ANKRD44: variants seen among roughly 807,000 people sequenced by gnomAD.
ANKRD44 encodes serine/threonine-protein phosphatase 6 regulatory ankyrin repeat subunit B.
In ANKRD44, 35 loss-of-function variants were observed where a neutral mutation model predicts 116.0. The observed-to-expected ratio is 0.30, with a 90% confidence interval of 0.23 to 0.40. The LOEUF (loss-of-function observed/expected upper bound fraction) is 0.40, where lower values mean the gene tolerates loss of function less well. Ranked by LOEUF, ANKRD44 falls within the 10% of genes least tolerant of loss-of-function variation. The probability of loss-of-function intolerance (pLI) is 1.00; values close to 1 mark genes in which losing one functional copy is unlikely to be tolerated. For synonymous variants in ANKRD44, 435 were observed against 461.8 expected (o/e 0.94, Z 0.74); for missense variants, 1,014 against 1,242.6 (o/e 0.82, Z 2.77).
intron 1 of ANKRD44, among the ~76,000 whole-genome samples, chr2:197,221,216 A>G (rs1180990148): frequency 6.7e-6 from 1 of 150,358 alleles, no homozygotes; most frequent in Admixed American, 6.7e-5. Flanking sequence ...ATGGCACTGC[A>G]CTCCAGCCTG....
chr2:197,002,346 G>A (rs1293042053), intron 21 of ANKRD44, among the ~76,000 whole-genome samples: 1 of 152,146 alleles, frequency 6.6e-6, no homozygotes, highest in Non-Finnish European at 1.5e-5. Context: ...ACAGTTCTTG[G>A]CACATCATGG....
chr2:197,268,179 G>A (rs533477132), intron 1 of ANKRD44, among the ~76,000 whole-genome samples: 3 of 152,356 alleles, frequency 2.0e-5, no homozygotes, highest in Non-Finnish European at 2.9e-5. Flanking sequence ...CCCAGAAGCT[G>A]TGGAGCTGAT....
chr2:197,163,685 C>A (rs116831663), intron 2 of ANKRD44, among the ~76,000 whole-genome samples: 3,615 of 152,208 alleles, frequency 0.024, 58 homozygotes, highest in Non-Finnish European at 0.04. Context: ...TAACACCAGG[C>A]TGGAGTGCAG....
intron 1 of ANKRD44, among the ~76,000 whole-genome samples, chr2:197,256,001 G>A (rs953116922): frequency 6.6e-6 from 1 of 152,222 alleles, no homozygotes; most frequent in African/African-American, 2.4e-5. Flanking sequence ...ATTGTTTGGA[G>A]GGGATTCTTA....
chr2:197,250,303 T>C (rs988015470), intron 1 of ANKRD44, among the ~76,000 whole-genome samples: 2 of 152,276 alleles, frequency 1.3e-5, no homozygotes, highest in Middle Eastern at 3.4e-3. Context: ...GGAGAGGTAA[T>C]GGGTACATAT....
At chr2:197,120,218 C>G (rs1430882113) in intron 8 of ANKRD44, among the ~76,000 whole-genome samples, 1 of 152,186 alleles carries the variant, frequency 6.6e-6, no homozygotes, top group Non-Finnish European at 1.5e-5. Context: ...AAGGCAGAGA[C>G]TGAATCTCAT....
rs530316976 is a variant in ANKRD44, at chr2:197,257,270, C to A, written c.27+53308G>T. On this transcript the variant is annotated intron_variant, in intron 1 of 27. Transcript: ENST00000282272. ...GGACAAATGTGAGTACCATGTAGAC[C>A]CACCTGGGAAAGCTAAATATTTACC... Among the ~76,000 whole-genome samples, 4 of 152,132 alleles carry A rather than the reference C, an allele frequency of 2.6e-5. No individual in the cohort carries two copies. The South Asian group carries it at 8.3e-4, about 32-fold the overall frequency.
chr2:197,307,262 AATTAC>A (rs2084099223), intron 1 of ANKRD44, among the ~76,000 whole-genome samples: 1 of 152,324 alleles, frequency 6.6e-6, no homozygotes, highest in Admixed American at 6.5e-5. Flanking sequence ...ACAAGGAACT[AATTAC>A]ATTATTATAT....
intron 27 of ANKRD44, among the ~76,000 whole-genome samples, chr2:196,992,262 C>G (rs1415835021): frequency 6.6e-6 from 1 of 152,162 alleles, no homozygotes; most frequent in Admixed American, 6.5e-5. Flanking sequence ...GACCTGCTCT[C>G]CCCACCCTGC....
intron 1 of ANKRD44, among the ~76,000 whole-genome samples, chr2:197,211,998 T>C (rs1242526300): frequency 1.3e-5 from 2 of 151,802 alleles, no homozygotes; most frequent in Non-Finnish European, 1.5e-5. Context: ...AGTAAGCTCA[T>C]GCACGGGAAT....
intron 1 of ANKRD44, among the ~76,000 whole-genome samples, chr2:197,211,523 A>G (rs1269939287): frequency 6.6e-6 from 1 of 152,158 alleles, no homozygotes. Flanking sequence ...TAACATTCAC[A>G]TGAATTTTAC....
At chr2:196,992,655 T>C (rs534492863) in intron 27 of ANKRD44, 1 of 152,780 alleles carries the variant, frequency 6.5e-6, no homozygotes, top group South Asian at 2.1e-4. Context: ...ATAGGGAACT[T>C]TCTGCACTTC....
At chr2:197,246,349 G>A (rs1480697860) in intron 1 of ANKRD44, among the ~76,000 whole-genome samples, 1 of 8,942 alleles carries the variant, frequency 1.1e-4, no homozygotes, top group Non-Finnish European at 2.0e-4. Context: ...ACTACATCTG[G>A]CTTTTTTTTT....
At chr2:197,199,027 T>C (rs1574258202) in intron 1 of ANKRD44, 1 of 152,288 alleles carries the variant, frequency 6.6e-6, no homozygotes, top group East Asian at 1.9e-4. Context: ...TTCTCTCTTG[T>C]GGCTTGCCGA....
At position 197,257,477 on chromosome 2, in the gene ANKRD44, A is replaced by G. The variant is rs568385655; in HGVS notation, c.27+53101T>C. Among the ~76,000 whole-genome samples, 31 of 152,246 alleles carry G rather than the reference A, an allele frequency of 2.0e-4. No homozygotes were observed. The South Asian group carries it at 6.0e-3, about 29-fold the overall frequency. On this transcript the variant is annotated intron_variant, in intron 1 of 27. Transcript: ENST00000282272. ...GAAAAAAACAATCATGACTTTCTTC[A>G]GTTCCTTTTTCTTTTATTTAGTATC... is the stretch of plus-strand genomic sequence containing the variant.
Position 197,281,671 on chromosome 2 carries a change from C to A in ANKRD44, c.27+28907G>T, listed in dbSNP as rs1045904164. 1.7e-4 allele frequency among the ~76,000 whole-genome samples: 26 copies of A among 152,114 alleles called. 1 individual carries two copies. The highest frequency in any genetic ancestry group is 6.3e-4 in the African/African-American group (26 of 41,422). On this transcript the variant is annotated intron_variant, in intron 1 of 27. Coordinates refer to ENST00000282272, the MANE Select transcript of ANKRD44 (RefSeq NM_001195144.2). ...TGCTAACTTGCCAACTGTATTTTGG[C>A]AGATAATGTAATAAGGTGACGTTTA...
chr2:197,200,052 G>GAC (rs1574260290), intron 1 of ANKRD44, among the ~76,000 whole-genome samples: 4 of 152,176 alleles, frequency 2.6e-5, no homozygotes, highest in African/African-American at 9.7e-5. Context: ...AGAAATGTGT[G>GAC]ACATAGTCCT....
intron 1 of ANKRD44, among the ~76,000 whole-genome samples, chr2:197,297,371 A>T (rs2083754208): frequency 6.6e-6 from 1 of 152,206 alleles, no homozygotes; most frequent in African/African-American, 2.4e-5. Flanking sequence ...TATAAAACAA[A>T]AACAAACTCA....
At chr2:197,268,884 T>C (rs1253335791) in intron 1 of ANKRD44, among the ~76,000 whole-genome samples, 2 of 152,202 alleles carry the variant, frequency 1.3e-5, no homozygotes, top group Non-Finnish European at 2.9e-5. Context: ...TTTTTTTAAA[T>C]TGTAATGATC....
Sources: gnomAD v4.1 joint callset for allele counts (sites outside exome capture counted in the v4.1 genomes callset) on GRCh38, gnomAD v4.1.1 for gene constraint, MANE v1.5 for transcripts, NCBI Gene and HGNC (gene_info 2026-07-23, HGNC 2026-07-21) for gene names.